Variants in LNPEP observed in about 807,000 individuals in gnomAD.
LNPEP encodes leucyl-cystinyl aminopeptidase.
LNPEP carries 64 observed loss-of-function variants against 120.6 expected under a neutral mutation model. The ratio of observed to expected loss-of-function variants is 0.53; its 90% CI spans 0.43 to 0.65. LNPEP has a LOEUF of 0.65. LNPEP is among the 30% of genes least tolerant of loss of function. The probability of loss-of-function intolerance (pLI) is 0.00; values close to 1 mark genes in which losing one functional copy is unlikely to be tolerated. For synonymous variants in LNPEP, 435 were observed against 425.4 expected, an observed-to-expected ratio of 1.02 and a Z score of -0.28; for missense variants, 1,057 against 1,200.0, an observed-to-expected ratio of 0.88 and a Z score of 1.76.
At chr5:97,024,725 A>G in intron 15 of LNPEP, 43 bp downstream of exon 15, 1 of 1,550,810 alleles carries the variant, frequency 6.4e-7, no homozygotes, top group Non-Finnish European at 8.8e-7. Context: ...AACCAAAAGA[A>G]TACAAACACT....
At chr5:96,938,520 T>C (rs1324847129) in intron 1 of LNPEP, among the ~76,000 whole-genome samples, 5 of 152,222 alleles carry the variant, frequency 3.3e-5, no homozygotes, top group Non-Finnish European at 5.9e-5. Context: ...TGAATTTAGC[T>C]TATATCTTGT....
chr5:97,017,056 A>G (rs1236413637), intron 13 of LNPEP, among the ~76,000 whole-genome samples: 1 of 152,202 alleles, frequency 6.6e-6, no homozygotes, highest in African/African-American at 2.4e-5. Flanking sequence ...ATAGTGTACT[A>G]TCAAATAGTT....
chr5:97,026,731 A>C lies in LNPEP; in HGVS notation c.2838A>C (p.Lys946Asn), dbSNP rs1222121222. 2 of 1,613,704 alleles carry C rather than the reference A, an allele frequency of 1.2e-6. No homozygotes were observed. The highest frequency in any genetic ancestry group is 1.7e-6 in the Non-Finnish European group (2 of 1,179,586). ...ACTTACTGGCATGGGATTTTGTCAAAGAGAACTGGAATAAGCTTGTACAGA... is the reference window on the plus strand; with the variant it reads ...ACTTACTGGCATGGGATTTTGTCAACGAGAACTGGAATAAGCTTGTACAGA... ...PGHLLAWDFV[K>N]ENWNKLVQKF... Residue 946 changes from lysine (K) to asparagine (N), a missense_variant, in exon 16 of 18, where the codon AAA (lysine) becomes AAC (asparagine). Physicochemically the swap from Lys to Asn is moderately conservative, Grantham distance 94 (BLOSUM62 0). Transcript: ENST00000231368.
At chr5:96,952,968 T>C (rs149572660) in intron 1 of LNPEP, among the ~76,000 whole-genome samples, 70 of 152,334 alleles carry the variant, frequency 4.6e-4, no homozygotes, top group African/African-American at 1.7e-3. Context: ...CTTTGTTTCA[T>C]ACCTGCCCTG....
rs150509283 is a variant in LNPEP at position 96,975,338 on chromosome 5, A to T, written c.20-3800A>T. On this transcript the variant is annotated intron_variant, in intron 1 of 17. Transcript: ENST00000231368. ...ACTATATTCTCAATCTCAGTGAATG[A>T]CATTCCTTCTTTTCAGTTATACAAG... 2.6e-5 allele frequency among the ~76,000 whole-genome samples: 4 copies of T among 152,172 alleles called. 1 individual carries two copies. Among genetic ancestry groups the T allele is most frequent in the African/African-American group, 9.6e-5 (4 of 41,452 alleles).
Position 97,030,171 on chromosome 5 carries a change from AT to A in LNPEP, c.*1639del, listed in dbSNP as rs1441073721. 3 of 152,026 alleles carry A rather than the reference AT, an allele frequency of 2.0e-5. No individual in the cohort carries two copies. Among genetic ancestry groups the A allele is most frequent in the South Asian group, 2.1e-4 (1 of 4,830 alleles). 9.4% of individuals were successfully genotyped at this position (152,026 alleles called of 1,614,324 possible). On this transcript the variant is annotated 3_prime_UTR_variant, in exon 18 of 18. Transcript: ENST00000231368. ...TTTAAAAGGCTGGTAAGCTAAAAAA[AT>A]AGTCTTCTTTAATCCTAGTGTGTTT...
chr5:97,005,895 C>G (rs1790768632), intron 9 of LNPEP, among the ~76,000 whole-genome samples, 178 bp from the exon 10 acceptor site: 2 of 151,926 alleles, frequency 1.3e-5, no homozygotes, highest in African/African-American at 4.8e-5. Flanking sequence ...TGCTCATTTA[C>G]CTAGATTAGA....
intron 4 of LNPEP, among the ~76,000 whole-genome samples, chr5:96,992,493 A>C (rs1790412147): frequency 6.6e-6 from 1 of 152,196 alleles, no homozygotes; most frequent in African/African-American, 2.4e-5. Flanking sequence ...CAAATATGCA[A>C]TTTATGCCTT....
chr5:96,968,487 G>T (rs1789780677), intron 1 of LNPEP, among the ~76,000 whole-genome samples: 1 of 151,912 alleles, frequency 6.6e-6, no homozygotes, highest in Non-Finnish European at 1.5e-5. Context: ...GAAGTCTTCT[G>T]GGTTATTTTT....
At chr5:97,020,144 A>G (rs1023382233) in intron 13 of LNPEP, among the ~76,000 whole-genome samples, 1 of 151,976 alleles carries the variant, frequency 6.6e-6, no homozygotes, top group Non-Finnish European at 1.5e-5. Context: ...CTCATATTCA[A>G]CTCCACAAGA....
chr5:97,027,679 A>G lies in LNPEP; in HGVS notation c.2865-54A>G, dbSNP rs1281159859. ...AGACTTTTCCTTGCACTCAGGAACAACGCTTTACCAGCAGCTGCCTAATCT... is the reference window on the plus strand; with the variant it reads ...AGACTTTTCCTTGCACTCAGGAACAGCGCTTTACCAGCAGCTGCCTAATCT... On this transcript the variant is annotated intron_variant, in intron 16 of 17. Transcript: ENST00000231368. 2.6e-6 allele frequency: 3 copies of G among 1,137,408 alleles called. No individual in the cohort carries two copies. The East Asian group carries it at 7.0e-5, about 27-fold the overall frequency. The allele number at this position is 1,137,408 out of a possible 1,614,324, so 70.5% of individuals were successfully genotyped here. A position where few individuals can be genotyped will look rare whatever the true frequency, so the allele number is the denominator to read the frequency against.
chr5:96,989,665 C>G (rs932645041), intron 4 of LNPEP, among the ~76,000 whole-genome samples: 1 of 151,774 alleles, frequency 6.6e-6, no homozygotes, highest in Non-Finnish European at 1.5e-5. Context: ...CTTACCAAGT[C>G]CAGAATGCTG....
intron 1 of LNPEP, among the ~76,000 whole-genome samples, chr5:96,955,369 C>A (rs1176593202): frequency 6.6e-6 from 1 of 152,120 alleles, no homozygotes; most frequent in Non-Finnish European, 1.5e-5. Flanking sequence ...AAACCCAGCA[C>A]TTTGGGAGGC....
chr5:97,005,160 C>T (rs911266585), intron 9 of LNPEP, among the ~76,000 whole-genome samples: 4 of 152,132 alleles, frequency 2.6e-5, no homozygotes, highest in Non-Finnish European at 5.9e-5. Context: ...TTTGCTCCAT[C>T]CTTTTGTGCT....
At chr5:96,946,311 G>A (rs1484594037) in intron 1 of LNPEP, among the ~76,000 whole-genome samples, 4 of 152,224 alleles carry the variant, frequency 2.6e-5, no homozygotes, top group Non-Finnish European at 4.4e-5. Context: ...ACAGGATACT[G>A]AGAGGCTTGG....
intron 11 of LNPEP, among the ~76,000 whole-genome samples, chr5:97,006,755 T>C (rs1790797308): frequency 6.6e-6 from 1 of 152,140 alleles, no homozygotes; most frequent in Admixed American, 6.6e-5. Flanking sequence ...TGAAAGAAAA[T>C]AGCGAATGCC....
At chr5:96,997,308 A>T (rs1272010179) in intron 7 of LNPEP, among the ~76,000 whole-genome samples, 1 of 152,134 alleles carries the variant, frequency 6.6e-6, no homozygotes, top group Non-Finnish European at 1.5e-5. Context: ...GAAATTTTAG[A>T]TAGGGCTTGT....
intron 9 of LNPEP, among the ~76,000 whole-genome samples, chr5:97,003,795 T>TC (rs1157081109): frequency 1.3e-5 from 2 of 151,968 alleles, no homozygotes; most frequent in African/African-American, 2.4e-5. Context: ...TTTTTTTTTT[T>TC]CCTGTACCTT....
chr5:96,954,639 T>C lies in LNPEP; in HGVS notation c.19+18465T>C, dbSNP rs950068468. Among the ~76,000 whole-genome samples, 93 of 129,786 alleles carry C rather than the reference T, an allele frequency of 7.2e-4. 19 individuals carry two copies. The highest frequency in any genetic ancestry group is 3.7e-3 in the Middle Eastern group (1 of 272). The allele number at this position is 129,786 out of a possible 152,430, so 85.1% of individuals were successfully genotyped here. On this transcript the variant is annotated intron_variant, in intron 1 of 17. Transcript: ENST00000231368. ...CTCTCTATATATATATATACATATA[T>C]ACATATATACATATATACACATATA...
Sources: gnomAD v4.1 joint callset for allele counts (sites outside exome capture counted in the v4.1 genomes callset) on GRCh38, gnomAD v4.1.1 for gene constraint, MANE v1.5 for transcripts, NCBI Gene and HGNC (gene_info 2026-07-23, HGNC 2026-07-21) for gene names.